The following PHF14 variants were observed in gnomAD, a reference collection of about 807,000 sequenced individuals.
PHF14 encodes the protein PHD finger protein 14.
In PHF14, 55 loss-of-function variants were observed where a neutral mutation model predicts 117.9. The observed-to-expected ratio is 0.47, with a 90% CI of 0.38 to 0.58. The LOEUF (loss-of-function observed/expected upper bound fraction) is 0.58. Ranked by LOEUF, PHF14 falls within the 20% of genes least tolerant of loss-of-function variation. The probability of loss-of-function intolerance (pLI) is 0.00; values close to 1 mark genes in which losing one functional copy is unlikely to be tolerated. For missense variants in PHF14, 978 were observed against 1,122.2 expected, an observed-to-expected ratio of 0.87 and a Z score of 1.84; for synonymous variants, 409 against 368.6, an observed-to-expected ratio of 1.11 and a Z score of -1.26.
At chr7:11,081,094 T>G (rs1786082546) in intron 16 of PHF14, among the ~76,000 whole-genome samples, 1 of 152,176 alleles carries the variant, frequency 6.6e-6, no homozygotes, top group Non-Finnish European at 1.5e-5. Context: ...TATATATATG[T>G]GAGTGTGTGT....
At chr7:11,059,629 C>A (rs1292357041) in intron 14 of PHF14, among the ~76,000 whole-genome samples, 1 of 151,918 alleles carries the variant, frequency 6.6e-6, no homozygotes, top group Non-Finnish European at 1.5e-5. Context: ...AAAAGATTAG[C>A]CAGGTGTGGT....
chr7:11,053,660 T>C lies in PHF14; in HGVS notation c.2481+1880T>C, dbSNP rs188574751. Among the ~76,000 whole-genome samples, 122 of 152,210 alleles carry C rather than the reference T, an allele frequency of 8.0e-4. 2 individuals are homozygous for C. In the Middle Eastern group the frequency reaches 0.014, roughly 17 times the overall value. On this transcript the variant is annotated intron_variant, in intron 14 of 17. Transcript: ENST00000634607. ...GCCTTTTGACTAGTATTATCATCCT[T>C]AACTTTGGAGTTATCATATAGAGGG...
chr7:11,096,645 T>C (rs950900059), intron 16 of PHF14, among the ~76,000 whole-genome samples: 3 of 152,092 alleles, frequency 2.0e-5, no homozygotes, highest in African/African-American at 7.2e-5. Context: ...AAAGCAGATG[T>C]GAAAAGAAAA....
intron 10 of PHF14, among the ~76,000 whole-genome samples, chr7:11,038,201 C>G (rs1488506764): frequency 6.6e-6 from 1 of 151,976 alleles, no homozygotes; most frequent in Non-Finnish European, 1.5e-5. Flanking sequence ...ATCACGAGGT[C>G]AAGAGATCGA....
intron 17 of PHF14, among the ~76,000 whole-genome samples, chr7:11,151,868 A>G (rs1262945104): frequency 6.6e-6 from 1 of 152,204 alleles, no homozygotes; most frequent in Non-Finnish European, 1.5e-5. Context: ...AGTCATTCCA[A>G]GGTAATGACA....
At chr7:11,013,726 T>A in intron 4 of PHF14, 21 bp from the exon 5 acceptor site, 1 of 1,388,988 alleles carries the variant, frequency 7.2e-7, no homozygotes, top group Non-Finnish European at 9.9e-7. Context: ...TATTTAATCA[T>A]AGTGTTTTTG....
At chr7:11,016,900 C>T (rs1783553991) in intron 5 of PHF14, among the ~76,000 whole-genome samples, 1 of 152,144 alleles carries the variant, frequency 6.6e-6, no homozygotes, top group Non-Finnish European at 1.5e-5. Context: ...CCTTTCCCTG[C>T]ACTATCCTTC....
chr7:11,129,693 T>G (rs978856169), intron 17 of PHF14, among the ~76,000 whole-genome samples: 3 of 151,898 alleles, frequency 2.0e-5, no homozygotes, highest in African/African-American at 7.2e-5. Context: ...TGTATAGTAT[T>G]CAGAAGGTGT....
Position 10,974,837 on chromosome 7 carries a change from G to C in PHF14, c.4G>C (p.Asp2His), listed in dbSNP as rs370366640. 2.6e-6 allele frequency: 4 copies of C among 1,542,582 alleles called. No individual in the cohort carries two copies. Among genetic ancestry groups the C allele is most frequent in the Non-Finnish European group, 8.9e-7 (1 of 1,128,778 alleles). Residue 2 changes from aspartate (D) to histidine (H), a missense_variant and splice_region_variant, in exon 2 of 18, where the codon GAT (aspartate) becomes CAT (histidine). By Grantham distance (81) the Asp-to-His change is moderately conservative. Coordinates refer to ENST00000634607, the MANE Select transcript of PHF14 (RefSeq NM_001007157.2). M[D>H]RSSKRRQVKP... ...ATGTAATTTTTTTCTCTTCACAGTG[G>C]ATCGCAGCTCCAAGAGGAGGCAGGT...
At chr7:11,055,358 T>G (rs372241731) in intron 14 of PHF14, among the ~76,000 whole-genome samples, 20 of 152,178 alleles carry the variant, frequency 1.3e-4, no homozygotes, top group East Asian at 5.8e-4. Flanking sequence ...TGTAGTGACT[T>G]TTCATCTTTT....
chr7:11,114,831 T>C (rs1356018435), intron 17 of PHF14, among the ~76,000 whole-genome samples: 1 of 152,048 alleles, frequency 6.6e-6, no homozygotes, highest in African/African-American at 2.4e-5. Flanking sequence ...TTCAAAGCCA[T>C]TGATTAAGAC....
At chr7:11,040,636 TA>T in intron 11 of PHF14, 35 bp from the exon 12 acceptor site, 2 of 1,141,410 alleles carry the variant, frequency 1.8e-6, no homozygotes, top group Non-Finnish European at 1.2e-6. Flanking sequence ...ATTTCTTTCT[TA>T]AAACAATATA....
intron 16 of PHF14, chr7:11,107,408 T>C: frequency 1.2e-6 from 1 of 837,140 alleles, no homozygotes; most frequent in Non-Finnish European, 1.4e-6. Flanking sequence ...ATTAAGCTAC[T>C]TTGTTATTTA....
chr7:11,001,510 G>A (rs1050122394), intron 4 of PHF14, among the ~76,000 whole-genome samples: 1 of 151,960 alleles, frequency 6.6e-6, no homozygotes, highest in African/African-American at 2.4e-5. Flanking sequence ...ACAATATTGA[G>A]CTTTTTTATT....
chr7:11,054,316 T>A (rs1470177711), intron 14 of PHF14, among the ~76,000 whole-genome samples: 1 of 152,176 alleles, frequency 6.6e-6, no homozygotes, highest in Non-Finnish European at 1.5e-5. Context: ...GCAGATTTCT[T>A]AGGTGCTACG....
At chr7:11,122,411 ACG>A (rs1333069387) in intron 17 of PHF14, among the ~76,000 whole-genome samples, 4 of 131,352 alleles carry the variant, frequency 3.0e-5, no homozygotes, top group Non-Finnish European at 6.4e-5. Flanking sequence ...ATATATATAC[ACG>A]TATATATATA....
chr7:11,080,894 C>G (rs778367386), intron 16 of PHF14, among the ~76,000 whole-genome samples: 18 of 152,154 alleles, frequency 1.2e-4, no homozygotes, highest in Non-Finnish European at 2.4e-4. Context: ...TGCGCTACAA[C>G]AGTAATGAAG....
At chr7:11,016,560 AT>A (rs2128316987) in intron 5 of PHF14, among the ~76,000 whole-genome samples, 1 of 152,018 alleles carries the variant, frequency 6.6e-6, no homozygotes, top group South Asian at 2.1e-4. Context: ...ACTGTGGGAA[AT>A]TTTTTGGCAT....
intron 16 of PHF14, chr7:11,107,807 T>C: frequency 1.2e-6 from 1 of 827,072 alleles, no homozygotes; most frequent in Non-Finnish European, 1.5e-6. Flanking sequence ...TTATTCACTA[T>C]TTATTTTGAT....
Sources: gnomAD v4.1 joint callset for allele counts (sites outside exome capture counted in the v4.1 genomes callset) on GRCh38, gnomAD v4.1.1 for gene constraint, MANE v1.5 for transcripts, NCBI Gene and HGNC (gene_info 2026-07-23, HGNC 2026-07-21) for gene names.